Variants in GALNTL5 observed in about 807,000 individuals in gnomAD.
GALNTL5 encodes the protein inactive polypeptide N-acetylgalactosaminyltransferase-like protein 5.
Under a neutral mutation model 51.0 loss-of-function variants are expected in GALNTL5, and 44 were observed. The observed-to-expected ratio is 0.86, with a 90% CI of 0.68 to 1.11. GALNTL5 has a LOEUF of 1.11. Among genes scored for constraint, GALNTL5 ranks in the 50% least tolerant of loss-of-function variants. GALNTL5 has a pLI of 0.00. For missense variants in GALNTL5, 528 were observed against 531.8 expected (o/e 0.99, Z 0.07); for synonymous variants, 192 against 182.8 (o/e 1.05, Z -0.41).
At chr7:151,994,733 A>G (rs4549697) in intron 5 of GALNTL5, among the ~76,000 whole-genome samples, 82,254 of 150,452 alleles carry the variant, frequency 0.55, 23,931 homozygotes, top group Middle Eastern at 0.7. Context: ...GCAGACTCCT[A>G]TCCCTCTCTA....
At chr7:151,985,964 C>T (rs925533104) in intron 4 of GALNTL5, 3 of 152,284 alleles carry the variant, frequency 2.0e-5, no homozygotes, top group African/African-American at 7.2e-5. Flanking sequence ...CAACCTGCCC[C>T]TGACCCAGAT....
At chr7:151,985,499 C>A (rs1004806195) in intron 4 of GALNTL5, among the ~76,000 whole-genome samples, 5 of 152,150 alleles carry the variant, frequency 3.3e-5, no homozygotes, top group Non-Finnish European at 7.4e-5. Flanking sequence ...TCAACAAAAC[C>A]CTGTCTGTCC....
chr7:151,964,503 A>G (rs2081032051), intron 1 of GALNTL5, among the ~76,000 whole-genome samples: 1 of 151,942 alleles, frequency 6.6e-6, no homozygotes, highest in Non-Finnish European at 1.5e-5. Flanking sequence ...ATCAGGGGGA[A>G]TTTCCCTGCA....
At chr7:151,977,175 CA>C (rs1160889101) in intron 3 of GALNTL5, among the ~76,000 whole-genome samples, 4 of 152,040 alleles carry the variant, frequency 2.6e-5, no homozygotes, top group Non-Finnish European at 5.9e-5. Flanking sequence ...ACCAATATTT[CA>C]AATACAAAAA....
intron 5 of GALNTL5, among the ~76,000 whole-genome samples, chr7:151,993,096 G>A (rs1336131182): frequency 6.6e-6 from 1 of 152,042 alleles, no homozygotes; most frequent in African/African-American, 2.4e-5. Context: ...AAACTAGCCA[G>A]GTATGGTGGC....
chr7:151,972,368 A>G (rs570569660), intron 3 of GALNTL5, among the ~76,000 whole-genome samples: 2 of 152,318 alleles, frequency 1.3e-5, no homozygotes, highest in Non-Finnish European at 2.9e-5. Flanking sequence ...GCAGGTGACT[A>G]TGTGGTAGAA....
Position 151,990,241 on chromosome 7 carries a change from A to G in GALNTL5, c.658+2960A>G, listed in dbSNP as rs191061704. ...GTATTTTTAGTACAGAAGGGGTTTC[A>G]CCATATTGGCCAGGCTAGTCTCGAA... On this transcript the variant is annotated intron_variant, in intron 5 of 8. Transcript: ENST00000392800. 2.9e-3 allele frequency among the ~76,000 whole-genome samples: 437 copies of G among 151,686 alleles called. 2 individuals are homozygous for G. The highest frequency in any genetic ancestry group is 9.2e-3 in the African/African-American group (380 of 41,298).
chr7:151,963,784 T>C lies in GALNTL5; in HGVS notation c.-39-3424T>C, dbSNP rs183235837. 4.5e-4 allele frequency among the ~76,000 whole-genome samples: 68 copies of C among 152,364 alleles called. No homozygotes were observed. In the East Asian group the frequency reaches 0.013, roughly 29 times the overall value. ...CTCTCAATGCTCCTTTTTGATAGCC[T>C]GTTCCTCTGGTTGTATGACTGTAGC... is the stretch of plus-strand genomic sequence containing the variant. On this transcript the variant is annotated intron_variant, in intron 1 of 8. Transcript: ENST00000392800.
chr7:152,018,790 C>T (rs2081851777), intron 8 of GALNTL5, among the ~76,000 whole-genome samples: 1 of 152,136 alleles, frequency 6.6e-6, no homozygotes, highest in Non-Finnish European at 1.5e-5. Flanking sequence ...TGGCAAAGAC[C>T]TACAGTGGTC....
chr7:151,974,875 G>C (rs1215521813), intron 3 of GALNTL5, among the ~76,000 whole-genome samples: 1 of 152,050 alleles, frequency 6.6e-6, no homozygotes, highest in African/African-American at 2.4e-5. Context: ...AAGTGGACTT[G>C]GCAGTTTTAA....
chr7:151,967,563 A>G, intron 2 of GALNTL5, 70 bp downstream of exon 2: 1 of 1,376,354 alleles, frequency 7.3e-7, no homozygotes, highest in Non-Finnish European at 1.0e-6. Flanking sequence ...AATATTTGGA[A>G]GAGTACGAGA....
At chr7:151,996,794 T>TAAAA (rs60393786) in intron 5 of GALNTL5, among the ~76,000 whole-genome samples, 56,802 of 145,100 alleles carry the variant, frequency 0.39, 11,330 homozygotes, top group East Asian at 0.69. Flanking sequence ...AACGTGTAGG[T>TAAAA]AAAAAAAAAA....
At chr7:152,011,906 A>G (rs1238928881) in intron 7 of GALNTL5, among the ~76,000 whole-genome samples, 1 of 152,050 alleles carries the variant, frequency 6.6e-6, no homozygotes, top group Non-Finnish European at 1.5e-5. Flanking sequence ...CCACCTCAAA[A>G]CTGAGTGGTT....
At chr7:151,994,985 C>A (rs924048469) in intron 5 of GALNTL5, 1 of 152,224 alleles carries the variant, frequency 6.6e-6, no homozygotes, top group African/African-American at 2.4e-5. Context: ...TCTCGATCTC[C>A]TGACCTCGTG....
chr7:151,971,000 A>G lies in GALNTL5; in HGVS notation c.303A>G (p.Gly101=). The part of the protein sequence containing the change: ...PELHKELLKY[G]FNVIISRSLG... ...TTCATAAAGAACTTTTAAAATATGG[A>G]TTTAATGTGATTATCAGTAGAAGCT... The change falls in exon 3 of 9, where the codon GGA becomes GGG. Residue 101 remains glycine (G), a synonymous_variant. Transcript: ENST00000392800. The G allele has an allele frequency of 3.1e-6, 5 of 1,609,324 alleles. No individual in the cohort carries two copies. Among genetic ancestry groups the G allele is most frequent in the Non-Finnish European group, 4.3e-6 (5 of 1,176,264 alleles).
intron 1 of GALNTL5, among the ~76,000 whole-genome samples, chr7:151,962,894 C>T (rs1222789888): frequency 6.6e-6 from 1 of 152,172 alleles, no homozygotes; most frequent in Non-Finnish European, 1.5e-5. Flanking sequence ...CAGGAGTGAG[C>T]CACCATGCCC....
intron 1 of GALNTL5, among the ~76,000 whole-genome samples, chr7:151,959,491 A>G (rs1174036722): frequency 6.6e-6 from 1 of 152,170 alleles, no homozygotes; most frequent in East Asian, 1.9e-4. Context: ...TTATTCAATC[A>G]ATGAATCTCT....
chr7:151,970,873 C>G, intron 2 of GALNTL5, 72 bp from the exon 3 acceptor site: 1 of 1,279,400 alleles, frequency 7.8e-7, no homozygotes, highest in Non-Finnish European at 1.1e-6. Flanking sequence ...TTTGGTTATT[C>G]TAGATCTTTC....
intron 7 of GALNTL5, among the ~76,000 whole-genome samples, chr7:152,008,244 A>T (rs1335713467): frequency 9.3e-6 from 1 of 107,706 alleles, no homozygotes; most frequent in African/African-American, 4.0e-5. Flanking sequence ...CAAGACCCCC[A>T]TCTCTACTTT....
Sources: gnomAD v4.1 joint callset for allele counts (sites outside exome capture counted in the v4.1 genomes callset) on GRCh38, gnomAD v4.1.1 for gene constraint, MANE v1.5 for transcripts, NCBI Gene and HGNC (gene_info 2026-07-23, HGNC 2026-07-21) for gene names.